The following PPARGC1A variants were observed in gnomAD, a reference collection of about 807,000 sequenced individuals.
The protein encoded by PPARGC1A is peroxisome proliferator-activated receptor gamma coactivator 1-alpha.
Under a neutral mutation model 88.7 loss-of-function variants are expected in PPARGC1A, and 25 were observed. The ratio of observed to expected loss-of-function variants is 0.28; its 90% CI spans 0.21 to 0.39. The LOEUF is 0.39. Among genes scored for constraint, PPARGC1A ranks in the 10% least tolerant of loss-of-function variants. PPARGC1A has a pLI of 1.00. For synonymous variants in PPARGC1A, 363 were observed against 355.6 expected, an observed-to-expected ratio of 1.02 and a Z score of -0.24; for missense variants, 880 against 968.7, an observed-to-expected ratio of 0.91 and a Z score of 1.22.
At chr4:24,249,177 T>C in the PPARGC1A span, among the ~76,000 whole-genome samples, 1 of 152,128 alleles carries the variant, frequency 6.6e-6, no homozygotes, top group Non-Finnish European at 1.5e-5. Flanking sequence ...GCCAAGTCTA[T>C]ATCCTGAACT....
At chr4:24,339,223 T>TACACACACACACAC in the PPARGC1A span, among the ~76,000 whole-genome samples, 1 of 72,408 alleles carries the variant, frequency 1.4e-5, no homozygotes, top group Non-Finnish European at 3.0e-5. Flanking sequence ...TATATATATA[T>TACACACACACACAC]ATATATATAT....
the PPARGC1A span, among the ~76,000 whole-genome samples, chr4:24,017,177 G>C: frequency 1.3e-5 from 2 of 152,146 alleles, no homozygotes; most frequent in South Asian, 4.1e-4. Flanking sequence ...TCTTTTAAAA[G>C]ACAGTCCAAT....
chr4:24,375,035 C>G, the PPARGC1A span, among the ~76,000 whole-genome samples: 4 of 133,126 alleles, frequency 3.0e-5, no homozygotes, highest in African/African-American at 1.1e-4. Flanking sequence ...AAAAAGAAAC[C>G]TGTGTCCACT....
At chr4:24,245,962 T>TACAC in the PPARGC1A span, among the ~76,000 whole-genome samples, 45 of 124,000 alleles carry the variant, frequency 3.6e-4, no homozygotes, top group Middle Eastern at 4.1e-3. Context: ...CACACACACT[T>TACAC]ATGCTTGGTC....
the PPARGC1A span, among the ~76,000 whole-genome samples, chr4:24,387,818 A>AAGAGAAAGAG: frequency 4.8e-4 from 39 of 81,094 alleles, no homozygotes; most frequent in African/African-American, 1.8e-3. Context: ...GAAAGAAAGA[A>AAGAGAAAGAG]AGAAAGAGAG....
chr4:24,086,847 T>C, the PPARGC1A span, among the ~76,000 whole-genome samples: 4 of 152,334 alleles, frequency 2.6e-5, no homozygotes, highest in South Asian at 2.1e-4. Flanking sequence ...TTAATCTCCA[T>C]GACAATCTCA....
At chr4:24,333,564 A>C in the PPARGC1A span, among the ~76,000 whole-genome samples, 1 of 152,242 alleles carries the variant, frequency 6.6e-6, no homozygotes, top group Non-Finnish European at 1.5e-5. Flanking sequence ...AGTTAGAAAC[A>C]GCAAAGAAAA....
chr4:24,354,385 T>C, the PPARGC1A span, among the ~76,000 whole-genome samples: 3,111 of 152,238 alleles, frequency 0.02, 101 homozygotes, highest in African/African-American at 0.071. Context: ...AAGTAGGGTG[T>C]GGGCATTATT....
At chr4:24,382,195 C>A in the PPARGC1A span, among the ~76,000 whole-genome samples, 2 of 152,070 alleles carry the variant, frequency 1.3e-5, 1 homozygote, top group Non-Finnish European at 2.9e-5. Flanking sequence ...GAATTGTAGA[C>A]ATTAACTTAA....
At chr4:23,966,576 C>A in the PPARGC1A span, among the ~76,000 whole-genome samples, 1 of 152,178 alleles carries the variant, frequency 6.6e-6, no homozygotes, top group African/African-American at 2.4e-5. Context: ...CTTTCTCACC[C>A]ATCTCCCGTA....
chr4:23,995,976 T>C, the PPARGC1A span, among the ~76,000 whole-genome samples: 2 of 152,088 alleles, frequency 1.3e-5, no homozygotes, highest in East Asian at 3.9e-4. Flanking sequence ...GTAAGCCAAA[T>C]CCAGAAGATT....
chr4:23,934,000 T>A, the PPARGC1A span, among the ~76,000 whole-genome samples: 1 of 152,058 alleles, frequency 6.6e-6, no homozygotes, highest in Non-Finnish European at 1.5e-5. Context: ...GCTAAGGAGA[T>A]CCCTGGAAAG....
the PPARGC1A span, among the ~76,000 whole-genome samples, chr4:24,420,343 A>G: frequency 6.6e-6 from 1 of 152,202 alleles, no homozygotes; most frequent in Admixed American, 6.5e-5. Flanking sequence ...TTTAATGTAC[A>G]TTAACATTTT....
At chr4:23,808,279 T>C (rs1176954505) in intron 10 of PPARGC1A, among the ~76,000 whole-genome samples, 1 of 148,134 alleles carries the variant, frequency 6.8e-6, no homozygotes, top group Non-Finnish European at 1.5e-5. Flanking sequence ...CCCTGAGTAA[T>C]TGCACAATTT....
the PPARGC1A span, among the ~76,000 whole-genome samples, chr4:24,269,944 G>C: frequency 6.6e-6 from 1 of 152,110 alleles, no homozygotes; most frequent in South Asian, 2.1e-4. Flanking sequence ...TTAATTTTGA[G>C]TGTCAACTTG....
At chr4:24,165,557 A>G in the PPARGC1A span, among the ~76,000 whole-genome samples, 1 of 152,212 alleles carries the variant, frequency 6.6e-6, no homozygotes, top group Non-Finnish European at 1.5e-5. Context: ...TGCAATGAGC[A>G]AGTCTGTCAG....
At chr4:24,471,014 G>C in the PPARGC1A span, among the ~76,000 whole-genome samples, 1 of 151,272 alleles carries the variant, frequency 6.6e-6, no homozygotes, top group African/African-American at 2.4e-5. The surrounding 1 kb of genome is among the most constrained non-coding windows in gnomAD (Gnocchi z 5.4). Flanking sequence ...TGCGCCCCGG[G>C]CCCGGGAGGG....
chr4:24,258,680 G>C, the PPARGC1A span, among the ~76,000 whole-genome samples: 1 of 152,138 alleles, frequency 6.6e-6, no homozygotes, highest in Admixed American at 6.5e-5. Flanking sequence ...TGTTACTACT[G>C]TTCAGTTTGT....
the PPARGC1A span, among the ~76,000 whole-genome samples, chr4:24,223,250 AT>A: frequency 0.032 from 4,367 of 135,268 alleles, 163 homozygotes; most frequent in African/African-American, 0.1. Context: ...ACTTTTGTGG[AT>A]TTTTTTTTTT....
Sources: allele counts gnomAD v4.1 joint callset (sites outside exome capture counted in the v4.1 genomes callset), GRCh38; gene constraint gnomAD v4.1.1; non-coding constraint Gnocchi (gnomAD v3.1); transcripts MANE v1.5; gene names NCBI Gene and HGNC (gene_info 2026-07-23, HGNC 2026-07-21).